ZNF787: variants seen among roughly 807,000 people sequenced by gnomAD.
ZNF787 encodes the protein zinc finger protein 787.
A neutral mutation model predicts 16.9 loss-of-function variants in ZNF787; 7 were observed. The observed-to-expected ratio is 0.42, with a 90% confidence interval of 0.24 to 0.78. ZNF787 has a LOEUF of 0.78. Ranked by LOEUF, ZNF787 falls within the 30% of genes least tolerant of loss-of-function variation. The probability of loss-of-function intolerance (pLI) is 0.30; values close to 1 mark genes in which losing one functional copy is unlikely to be tolerated. For synonymous variants in ZNF787, 345 were observed against 270.9 expected, an observed-to-expected ratio of 1.27 and a Z score of -2.69; for missense variants, 551 against 589.3, an observed-to-expected ratio of 0.94 and a Z score of 0.67.
At chr19:56,106,540 GACCA>G (rs969395462) in intron 1 of ZNF787, among the ~76,000 whole-genome samples, 14 of 152,180 alleles carry the variant, frequency 9.2e-5, no homozygotes, top group Admixed American at 3.3e-4. Flanking sequence ...CACAACCCTC[GACCA>G]ACCATTAGCA....
At chr19:56,092,253 G>T (rs1219304171) in intron 2 of ZNF787, among the ~76,000 whole-genome samples, 1 of 152,262 alleles carries the variant, frequency 6.6e-6, no homozygotes, top group Non-Finnish European at 1.5e-5. Context: ...ACCCTTGGGG[G>T]AGGGCAGTGT....
intron 1 of ZNF787, among the ~76,000 whole-genome samples, 164 bp downstream of exon 1, chr19:56,121,008 C>T (rs1207005184): frequency 7.0e-6 from 1 of 142,464 alleles, no homozygotes; most frequent in Non-Finnish European, 1.6e-5. Flanking sequence ...CCCGCGTCAC[C>T]CCGGCCGCGC....
intron 2 of ZNF787, among the ~76,000 whole-genome samples, chr19:56,093,895 C>G (rs1297146031): frequency 6.6e-6 from 1 of 152,184 alleles, no homozygotes; most frequent in Non-Finnish European, 1.5e-5. Flanking sequence ...AAGGGGTGTT[C>G]CTTGAATGAG....
chr19:56,118,759 C>T (rs927896690), intron 1 of ZNF787, among the ~76,000 whole-genome samples: 7 of 152,146 alleles, frequency 4.6e-5, no homozygotes, highest in South Asian at 2.1e-4. Flanking sequence ...AGAGGACACA[C>T]GAACGAGGTT....
intron 2 of ZNF787, among the ~76,000 whole-genome samples, chr19:56,093,568 C>T (rs1175766157): frequency 1.3e-5 from 2 of 152,154 alleles, no homozygotes; most frequent in African/African-American, 2.4e-5. Flanking sequence ...TGCTCACACC[C>T]TCCTCCCATC....
In ZNF787 at chr19:56,104,508, A is replaced by G. The variant is rs541105329; in HGVS notation, c.-10-1281T>C. 7.3e-5 allele frequency among the ~76,000 whole-genome samples: 10 copies of G among 137,754 alleles called. No homozygotes were observed. In the South Asian group the frequency reaches 1.7e-3, roughly 23 times the overall value. 90.4% of individuals were successfully genotyped at this position (137,754 alleles called of 152,430 possible). The stretch of plus-strand genomic sequence containing the variant: ...ACGCACGCCGACCCGTGCCACGCAC[A>G]GTGAGGGTCTCTACACACGCCACTG... On this transcript the variant is annotated intron_variant, in intron 1 of 2. Coordinates refer to ENST00000610935, the MANE Select transcript of ZNF787 (RefSeq NM_001002836.4).
Position 56,087,866 on chromosome 19 carries a change from C to T in ZNF787, c.*157G>A. 9 of 1,193,970 alleles carry T rather than the reference C, an allele frequency of 7.5e-6. No individual in the cohort carries two copies. The South Asian group carries it at 1.1e-4, about 15-fold the overall frequency. The allele number at this position is 1,193,970 out of a possible 1,614,324, so 74.0% of individuals were successfully genotyped here. On this transcript the variant is annotated 3_prime_UTR_variant, in exon 3 of 3. Transcript: ENST00000610935. The stretch of plus-strand genomic sequence containing the variant: ...GGGCCCTAATACGCCCCAGTGCCCC[C>T]CCACGGACGGCGCAGGGACAGAGGA...
At chr19:56,120,071 G>A (rs2030243965) in intron 1 of ZNF787, among the ~76,000 whole-genome samples, 1 of 152,180 alleles carries the variant, frequency 6.6e-6, no homozygotes, top group Non-Finnish European at 1.5e-5. Context: ...ACAGCCCCCA[G>A]ACCTCTCCAT....
At position 56,087,861 on chromosome 19, in the gene ZNF787, G is replaced by A. The variant is rs924227505; in HGVS notation, c.*162C>T. ...TGAACGGGCCCTAATACGCCCCAGT[G>A]CCCCCCCACGGACGGCGCAGGGACA... On this transcript the variant is annotated 3_prime_UTR_variant, in exon 3 of 3. Transcript: ENST00000610935. 23 of 1,151,624 alleles carry A rather than the reference G, an allele frequency of 2.0e-5. No homozygotes were observed. Among genetic ancestry groups the A allele is most frequent in the East Asian group, 1.1e-4 (3 of 27,310 alleles). 71.3% of individuals were successfully genotyped at this position (1,151,624 alleles called of 1,614,324 possible).
intron 2 of ZNF787, among the ~76,000 whole-genome samples, chr19:56,090,236 A>G (rs1985520888): frequency 6.6e-6 from 1 of 152,188 alleles, no homozygotes; most frequent in African/African-American, 2.4e-5. Flanking sequence ...CCTGCGCTAC[A>G]CACTTCAGCG....
intron 1 of ZNF787, among the ~76,000 whole-genome samples, chr19:56,109,945 G>T (rs962403117): frequency 6.6e-6 from 1 of 152,178 alleles, no homozygotes; most frequent in Non-Finnish European, 1.5e-5. Flanking sequence ...CTAATTCTCA[G>T]ACTCTGCCAG....
intron 1 of ZNF787, among the ~76,000 whole-genome samples, chr19:56,111,969 G>A (rs2029992851): frequency 1.3e-5 from 2 of 152,268 alleles, no homozygotes; most frequent in Admixed American, 6.5e-5. Flanking sequence ...TAAGACGGGT[G>A]TTCATTCAAT....
chr19:56,112,878 T>TGG (rs2030021420), intron 1 of ZNF787, among the ~76,000 whole-genome samples: 2 of 126,460 alleles, frequency 1.6e-5, no homozygotes, highest in Admixed American at 7.9e-5. Flanking sequence ...GACCAGCCGT[T>TGG]CCCCCCACCC....
At position 56,088,078 on chromosome 19, in the gene ZNF787, T is replaced by TCGTCGTCCTCCTCCTCCC; in HGVS notation, c.1076_1093dup (p.Gly359_Asp364dup). The TCGTCGTCCTCCTCCTCCC allele has an allele frequency of 7.7e-7, 1 of 1,305,258 alleles. No homozygotes were observed. Among genetic ancestry groups the TCGTCGTCCTCCTCCTCCC allele is most frequent in the Non-Finnish European group, 9.9e-7 (1 of 1,006,914 alleles). The allele number at this position is 1,305,258 out of a possible 1,614,324, so 80.9% of individuals were successfully genotyped here. On this transcript the variant is annotated inframe_insertion, in exon 3 of 3. Coordinates refer to ENST00000610935, the MANE Select transcript of ZNF787 (RefSeq NM_001002836.4). The surrounding 1 kb of genome is among the most constrained non-coding windows in gnomAD (Gnocchi z 8.6). The stretch of plus-strand genomic sequence containing the variant: ...GCACCGCCCGCCCGCGGCCTCGTCG[T>TCGTCGTCCTCCTCCTCCC]CGTCGTCCTCCTCCTCCCCGCCCGC...
chr19:56,114,377 C>A (rs1252844444), intron 1 of ZNF787, among the ~76,000 whole-genome samples: 1 of 131,542 alleles, frequency 7.6e-6, no homozygotes, highest in Admixed American at 7.2e-5. Flanking sequence ...TGGTCTCTCT[C>A]TCTGAGGGGC....
In ZNF787 at chr19:56,087,995, T is replaced by TTGGG; in HGVS notation, c.*27_*28insCCCA. Reference sequence around the variant, plus strand: ...CGCTCCCGCCAAGCCCGAGGGGCCCTGCCCGCCCCCCCCCCCGGGCCCCTC... The same window carrying TTGGG: ...CGCTCCCGCCAAGCCCGAGGGGCCCTTGGGGCCCGCCCCCCCCCCCGGGCCCCTC... On this transcript the variant is annotated 3_prime_UTR_variant, in exon 3 of 3. Transcript: ENST00000610935. 1.8e-6 allele frequency: 2 copies of TTGGG among 1,106,466 alleles called. No homozygotes were observed. The highest frequency in any genetic ancestry group is 5.4e-5 in the East Asian group (1 of 18,356). The allele number at this position is 1,106,466 out of a possible 1,614,324, so 68.5% of individuals were successfully genotyped here. A position where few individuals can be genotyped will look rare whatever the true frequency, so the allele number is the denominator to read the frequency against.
At chr19:56,091,528 C>T (rs1285046747) in intron 2 of ZNF787, among the ~76,000 whole-genome samples, 1 of 152,142 alleles carries the variant, frequency 6.6e-6, no homozygotes, top group Non-Finnish European at 1.5e-5. Flanking sequence ...ATTTCATGAG[C>T]TCTTTACCTA....
chr19:56,098,051 G>A (rs1348443717), intron 2 of ZNF787, among the ~76,000 whole-genome samples: 1 of 152,062 alleles, frequency 6.6e-6, no homozygotes, highest in African/African-American at 2.4e-5. Context: ...CAGGTCTCCA[G>A]GGACACTGAG....
At chr19:56,092,208 T>C (rs1985631618) in intron 2 of ZNF787, among the ~76,000 whole-genome samples, 1 of 152,084 alleles carries the variant, frequency 6.6e-6, no homozygotes, top group Non-Finnish European at 1.5e-5. Flanking sequence ...TAAGAAACAA[T>C]GAGGGCCGGG....
Sources: gnomAD v4.1 joint callset for allele counts (sites outside exome capture counted in the v4.1 genomes callset) on GRCh38, gnomAD v4.1.1 for gene constraint, Gnocchi (gnomAD v3.1) non-coding constraint, MANE v1.5 for transcripts, NCBI Gene and HGNC (gene_info 2026-07-23, HGNC 2026-07-21) for gene names.